Variants in GPR176 observed in about 807,000 individuals in gnomAD.
GPR176 encodes G protein-coupled receptor 176.
A neutral mutation model predicts 35.4 loss-of-function variants in GPR176; 26 were observed. The observed-to-expected ratio is 0.74, with a 90% CI of 0.54 to 1.02. The LOEUF is 1.02. Among genes scored for constraint, GPR176 ranks in the 50% least tolerant of loss-of-function variants. GPR176 has a pLI of 0.00. For missense variants in GPR176, 597 were observed against 665.3 expected (o/e 0.90, Z 1.13); for synonymous variants, 278 against 271.3 (o/e 1.02, Z -0.24).
At chr15:39,825,357 G>T (rs1021547672) in intron 1 of GPR176, among the ~76,000 whole-genome samples, 1 of 151,880 alleles carries the variant, frequency 6.6e-6, no homozygotes, top group African/African-American at 2.4e-5. Flanking sequence ...TATGTAAGTG[G>T]CCTATCATTT....
intron 1 of GPR176, among the ~76,000 whole-genome samples, chr15:39,818,566 C>G (rs1206851505): frequency 2.0e-5 from 3 of 152,186 alleles, no homozygotes; most frequent in Non-Finnish European, 2.9e-5. Context: ...CCAGTCAGCT[C>G]CTGTGAGGCC....
intron 1 of GPR176, among the ~76,000 whole-genome samples, chr15:39,913,850 T>A (rs1396453619): frequency 6.6e-6 from 1 of 152,052 alleles, no homozygotes; most frequent in East Asian, 1.9e-4. Context: ...ATCAAGACCA[T>A]CCTGGCTAAC....
At chr15:39,839,242 T>C (rs1297049004) in intron 1 of GPR176, among the ~76,000 whole-genome samples, 1 of 152,024 alleles carries the variant, frequency 6.6e-6, no homozygotes, top group African/African-American at 2.4e-5. Context: ...ACTATACTAC[T>C]AGGTTACAGT....
intron 1 of GPR176, among the ~76,000 whole-genome samples, chr15:39,822,094 C>T (rs1900312676): frequency 6.6e-6 from 1 of 152,224 alleles, no homozygotes; most frequent in Admixed American, 6.5e-5. Context: ...CTGGGGCCTC[C>T]TGCCAACAGC....
chr15:39,893,949 G>A (rs1190020999), intron 1 of GPR176, among the ~76,000 whole-genome samples: 24 of 116,720 alleles, frequency 2.1e-4, no homozygotes, highest in Middle Eastern at 6.2e-3. Flanking sequence ...GCGGCTGGCC[G>A]GGCGGGGGGC....
Position 39,801,017 on chromosome 15 carries a change from G to T in GPR176, c.*115C>A. 1 of 848,474 alleles carries T rather than the reference G, an allele frequency of 1.2e-6. No individual in the cohort carries two copies. 52.6% of individuals were successfully genotyped at this position (848,474 alleles called of 1,614,324 possible). ...TCAAAAGCATCTGGCCCATATTGGA[G>T]GAATCAACTCACACTGAGTTGCAAG... On this transcript the variant is annotated 3_prime_UTR_variant, in exon 3 of 3. Coordinates refer to ENST00000561100, the MANE Select transcript of GPR176 (RefSeq NM_007223.3).
intron 1 of GPR176, among the ~76,000 whole-genome samples, chr15:39,912,872 A>C (rs189596363): frequency 6.6e-6 from 1 of 152,310 alleles, no homozygotes; most frequent in Non-Finnish European, 1.5e-5. Context: ...AAGTATATTC[A>C]TTACAGAACC....
At chr15:39,845,933 A>C (rs1282193146) in intron 1 of GPR176, among the ~76,000 whole-genome samples, 5 of 152,198 alleles carry the variant, frequency 3.3e-5, no homozygotes, top group Non-Finnish European at 7.4e-5. Flanking sequence ...CAAAGTGAGA[A>C]AACAGGAGAA....
chr15:39,873,455 C>A (rs1191132561), intron 1 of GPR176, among the ~76,000 whole-genome samples: 1 of 151,996 alleles, frequency 6.6e-6, no homozygotes, highest in Non-Finnish European at 1.5e-5. Flanking sequence ...ACCAGCTGTG[C>A]GCAGGTAGGG....
Position 39,800,239 on chromosome 15 carries a change from T to C in GPR176, c.*893A>G, listed in dbSNP as rs958301937. The C allele has an allele frequency of 1.3e-5, 2 of 152,198 alleles. No individual in the cohort carries two copies. The highest frequency in any genetic ancestry group is 4.8e-5 in the African/African-American group (2 of 41,450). The allele number at this position is 152,198 out of a possible 1,614,324, so 9.4% of individuals were successfully genotyped here. On this transcript the variant is annotated 3_prime_UTR_variant, in exon 3 of 3. Transcript: ENST00000561100. ...CAATATATTTGACTCATACTGGTTG[T>C]TACATAGCACCTTTCATGTGAGATC...
At chr15:39,895,940 A>G (rs1302962941) in intron 1 of GPR176, among the ~76,000 whole-genome samples, 1 of 152,260 alleles carries the variant, frequency 6.6e-6, no homozygotes, top group African/African-American at 2.4e-5. Flanking sequence ...TCGATAGGAA[A>G]TATTTAAAAT....
intron 1 of GPR176, among the ~76,000 whole-genome samples, chr15:39,916,990 C>T (rs760408978): frequency 7.2e-5 from 11 of 152,098 alleles, no homozygotes; most frequent in Non-Finnish European, 1.3e-4. Context: ...ATCAAGAATA[C>T]CAGTACGTAG....
intron 1 of GPR176, among the ~76,000 whole-genome samples, chr15:39,885,971 T>A (rs2032658594): frequency 6.6e-6 from 1 of 152,182 alleles, no homozygotes. Context: ...CAGTGGCTCA[T>A]GCCTGTAATC....
At chr15:39,857,812 C>CA (rs34193602) in intron 1 of GPR176, among the ~76,000 whole-genome samples, 43,815 of 149,576 alleles carry the variant, frequency 0.29, 7,170 homozygotes, top group Non-Finnish European at 0.39. Flanking sequence ...ACTAAAAATA[C>CA]AAAAAAAAAT....
At chr15:39,867,786 G>C (rs566533255) in intron 1 of GPR176, among the ~76,000 whole-genome samples, 2 of 152,246 alleles carry the variant, frequency 1.3e-5, no homozygotes, top group African/African-American at 4.8e-5. Context: ...GTGGACACAA[G>C]GCTAAGGCAG....
intron 1 of GPR176, among the ~76,000 whole-genome samples, chr15:39,845,580 G>C (rs943392860): frequency 3.3e-5 from 5 of 151,882 alleles, no homozygotes; most frequent in African/African-American, 9.7e-5. Context: ...ATTTAGTCTG[G>C]GGTAAAACTG....
chr15:39,816,082 G>GATCTAAACATCTA (rs1300092832), intron 1 of GPR176, among the ~76,000 whole-genome samples: 7 of 152,150 alleles, frequency 4.6e-5, no homozygotes, highest in African/African-American at 1.7e-4. Context: ...ATTTACAGGT[G>GATCTAAACATCTA]GAATCTAAAA....
chr15:39,834,480 G>A (rs897997570), intron 1 of GPR176, among the ~76,000 whole-genome samples: 1 of 152,094 alleles, frequency 6.6e-6, no homozygotes, highest in Non-Finnish European at 1.5e-5. Flanking sequence ...TCTCCCTAGA[G>A]TCATTATACC....
At chr15:39,834,826 G>A (rs1901295091) in intron 1 of GPR176, among the ~76,000 whole-genome samples, 1 of 152,000 alleles carries the variant, frequency 6.6e-6, no homozygotes, top group African/African-American at 2.4e-5. Context: ...ATAATTAATG[G>A]GGTCAAAAAT....
Sources: gnomAD v4.1 joint callset for allele counts (sites outside exome capture counted in the v4.1 genomes callset) on GRCh38, gnomAD v4.1.1 for gene constraint, MANE v1.5 for transcripts, NCBI Gene and HGNC (gene_info 2026-07-23, HGNC 2026-07-21) for gene names.